Variants in PSD3 observed in about 807,000 individuals in gnomAD.
PSD3 encodes PH and SEC7 domain-containing protein 3.
In PSD3, 49 loss-of-function variants were observed where a neutral mutation model predicts 105.5. The observed-to-expected ratio is 0.46, with a 90% CI of 0.37 to 0.59. The LOEUF (loss-of-function observed/expected upper bound fraction) is 0.59, where lower values mean the gene tolerates loss of function less well. Ranked by LOEUF, PSD3 falls within the 20% of genes least tolerant of loss-of-function variation. The pLI is 0.00. For missense variants in PSD3, 1,561 were observed against 1,263.8 expected, an observed-to-expected ratio of 1.24 and a Z score of -3.57; for synonymous variants, 557 against 457.8, an observed-to-expected ratio of 1.22 and a Z score of -2.77.
chr8:18,585,502 G>A (rs893308290), intron 12 of PSD3, among the ~76,000 whole-genome samples: 1 of 151,992 alleles, frequency 6.6e-6, no homozygotes, highest in Non-Finnish European at 1.5e-5. Flanking sequence ...ATTTTTTGTA[G>A]AGATGGGGTT....
chr8:18,756,826 G>C (rs922950076), intron 9 of PSD3, among the ~76,000 whole-genome samples: 4 of 148,676 alleles, frequency 2.7e-5, no homozygotes, highest in African/African-American at 7.4e-5. Context: ...AGGAAACTCA[G>C]GCACAAAGTG....
At chr8:18,651,232 C>T (rs979659032) in intron 10 of PSD3, among the ~76,000 whole-genome samples, 26 of 152,178 alleles carry the variant, frequency 1.7e-4, no homozygotes, top group Non-Finnish European at 2.5e-4. Flanking sequence ...CTCCCTGTAA[C>T]CCAAGGTTAC....
At chr8:18,901,201 T>C (rs1215048224) in intron 2 of PSD3, among the ~76,000 whole-genome samples, 3 of 152,242 alleles carry the variant, frequency 2.0e-5, no homozygotes, top group Non-Finnish European at 2.9e-5. Flanking sequence ...ATGGTTTGTC[T>C]GCAAGTTTTC....
intron 4 of PSD3, among the ~76,000 whole-genome samples, chr8:18,813,161 AGCTATGTTCAAGGGTGG>A (rs1377365640): frequency 6.6e-6 from 1 of 152,116 alleles, no homozygotes; most frequent in East Asian, 1.9e-4. Context: ...ATGTGCATGG[AGCTATGTTCAAGGGTGG>A]GTACAAGACT....
At chr8:18,799,389 G>C (rs768620560) in intron 7 of PSD3, 36 bp from the exon 8 acceptor site, 65 of 1,509,864 alleles carry the variant, frequency 4.3e-5, no homozygotes, top group Non-Finnish European at 5.8e-5. Context: ...GCATGAATTC[G>C]CTTTTCACTG....
At chr8:19,002,444 T>C (rs1312899109) in intron 1 of PSD3, among the ~76,000 whole-genome samples, 1 of 151,998 alleles carries the variant, frequency 6.6e-6, no homozygotes, top group Admixed American at 6.6e-5. Context: ...GGAACAAGCA[T>C]ATATCAACTT....
intron 1 of PSD3, among the ~76,000 whole-genome samples, chr8:18,964,119 T>G (rs546934385): frequency 2.0e-5 from 3 of 147,668 alleles, no homozygotes; most frequent in Admixed American, 6.6e-5. Context: ...ATAACTCGGG[T>G]TTTTTTTGTT....
intron 9 of PSD3, among the ~76,000 whole-genome samples, chr8:18,661,431 C>T (rs1023753804): frequency 6.6e-6 from 1 of 152,178 alleles, no homozygotes; most frequent in Non-Finnish European, 1.5e-5. Context: ...TTGAAAAAGA[C>T]ACTGGTTAAA....
intron 1 of PSD3, among the ~76,000 whole-genome samples, chr8:18,987,577 G>A (rs1344661769): frequency 2.0e-5 from 3 of 151,642 alleles, no homozygotes; most frequent in Non-Finnish European, 2.9e-5. Flanking sequence ...CCAGTACTTT[G>A]AAAGGACAAG....
chr8:18,737,350 G>A (rs1414917978), intron 9 of PSD3, among the ~76,000 whole-genome samples: 2 of 152,072 alleles, frequency 1.3e-5, no homozygotes, highest in African/African-American at 4.8e-5. Flanking sequence ...TGCGTGTGAC[G>A]GGGTCTTACT....
intron 8 of PSD3, among the ~76,000 whole-genome samples, chr8:18,795,846 A>T (rs1173746417): frequency 1.3e-5 from 2 of 152,242 alleles, no homozygotes; most frequent in Admixed American, 6.5e-5. Flanking sequence ...AAGGTTGAAG[A>T]AAAAGACTTT....
intron 10 of PSD3, among the ~76,000 whole-genome samples, chr8:18,643,146 G>C (rs899696627): frequency 2.0e-5 from 3 of 152,194 alleles, no homozygotes; most frequent in Admixed American, 6.5e-5. Flanking sequence ...TCCTGAATCT[G>C]ATGAGGGACT....
At chr8:18,652,579 C>T (rs1300113185) in intron 10 of PSD3, among the ~76,000 whole-genome samples, 1 of 141,682 alleles carries the variant, frequency 7.1e-6, no homozygotes, top group African/African-American at 2.6e-5. Flanking sequence ...CTCACTGCAA[C>T]CTCTGTTTCT....
chr8:18,745,383 G>A (rs1036630329), intron 9 of PSD3, among the ~76,000 whole-genome samples: 5 of 152,078 alleles, frequency 3.3e-5, no homozygotes, highest in African/African-American at 9.7e-5. Context: ...TGTATTCAAC[G>A]GATATTCATT....
At chr8:18,675,171 TG>T (rs1323081555) in intron 9 of PSD3, among the ~76,000 whole-genome samples, 2 of 152,190 alleles carry the variant, frequency 1.3e-5, no homozygotes, top group African/African-American at 2.4e-5. Context: ...TTACTTATGC[TG>T]GGAGACCTTA....
chr8:18,871,924 T>A lies in PSD3; in HGVS notation c.940A>T (p.Arg314Ter). The change falls in exon 3 of 16, where the codon AGA (arginine) becomes TGA (stop). Residue 314 changes from arginine (R) to a stop codon, truncating the protein, a stop_gained. Transcript: ENST00000327040. LOFTEE classifies it high-confidence loss of function. ...VEILWTGGDK[R>*]ETQHPIDFET... ...AAATCTATAGGATGCTGGGTCTCTCTCTTGTCTCCTCCTGTCCACAGTATT... is the reference window on the plus strand; with the variant it reads ...AAATCTATAGGATGCTGGGTCTCTCACTTGTCTCCTCCTGTCCACAGTATT... 6.2e-7 allele frequency: 1 copy of A among 1,614,212 alleles called. No homozygotes were observed. The highest frequency in any genetic ancestry group is 8.5e-7 in the Non-Finnish European group (1 of 1,180,028).
chr8:18,760,379 A>T (rs1355998324), intron 9 of PSD3, among the ~76,000 whole-genome samples: 3 of 151,996 alleles, frequency 2.0e-5, no homozygotes, highest in African/African-American at 7.2e-5. Flanking sequence ...GTCGAAAGGA[A>T]ATTGTACCCT....
chr8:18,575,085 G>C (rs1187920583), intron 13 of PSD3, 43 bp downstream of exon 13: 2 of 1,591,436 alleles, frequency 1.3e-6, no homozygotes, highest in Non-Finnish European at 1.7e-6. Context: ...GTAGTGCTAA[G>C]TGAACTAAAA....
At position 18,872,517 on chromosome 8, in the gene PSD3, T is replaced by C; in HGVS notation, c.347A>G (p.Glu116Gly). ...SVTEGPKDVR[E>G]APSQSHLKEQ... ...CTTGAGATGACTTTGAGAGGGGGCCTCTCTGACATCTTTTGGTCCTTCTGT... is the reference window on the plus strand; with the variant it reads ...CTTGAGATGACTTTGAGAGGGGGCCCCTCTGACATCTTTTGGTCCTTCTGT... Residue 116 changes from glutamate (E) to glycine (G), a missense_variant, in exon 3 of 16, where the codon GAG becomes GGG. Coordinates refer to ENST00000327040, the MANE Select transcript of PSD3 (RefSeq NM_015310.4). 6.2e-7 allele frequency: 1 copy of C among 1,614,068 alleles called. No homozygotes were observed. Among genetic ancestry groups the C allele is most frequent in the African/African-American group, 1.3e-5 (1 of 75,018 alleles).
Sources: gnomAD v4.1 joint callset for allele counts (sites outside exome capture counted in the v4.1 genomes callset) on GRCh38, gnomAD v4.1.1 for gene constraint, MANE v1.5 for transcripts, NCBI Gene and HGNC (gene_info 2026-07-23, HGNC 2026-07-21) for gene names.